The following ZFAT variants were observed in gnomAD, a reference collection of about 807,000 sequenced individuals.
ZFAT encodes zinc finger protein ZFAT.
Under a neutral mutation model 117.7 loss-of-function variants are expected in ZFAT, and 64 were observed. That is an observed-to-expected ratio of 0.54 (90% CI 0.44 to 0.67). The LOEUF is 0.67. Ranked by LOEUF, ZFAT falls within the 30% of genes least tolerant of loss-of-function variation. The probability of loss-of-function intolerance (pLI) is 0.00; values close to 1 mark genes in which losing one functional copy is unlikely to be tolerated. For synonymous variants in ZFAT, 679 were observed against 615.0 expected, an observed-to-expected ratio of 1.10 and a Z score of -1.54; for missense variants, 1,433 against 1,584.5, an observed-to-expected ratio of 0.90 and a Z score of 1.62.
At chr8:134,763,573 A>C in the ZFAT span, among the ~76,000 whole-genome samples, 1 of 152,104 alleles carries the variant, frequency 6.6e-6, no homozygotes, top group South Asian at 2.1e-4. Context: ...TTACACATTT[A>C]TTTATTCAGC....
At chr8:134,711,436 T>G (rs748673967) in intron 1 of ZFAT, among the ~76,000 whole-genome samples, 2 of 152,158 alleles carry the variant, frequency 1.3e-5, no homozygotes. Context: ...CCGGTGCTCA[T>G]TTTAGGCTAA....
At chr8:134,496,806 C>T (rs928802357) in intron 15 of ZFAT, among the ~76,000 whole-genome samples, 11 of 152,268 alleles carry the variant, frequency 7.2e-5, no homozygotes, top group South Asian at 2.1e-4. Context: ...TACTCCTCCC[C>T]GTGGCCCCAT....
intron 13 of ZFAT, 51 bp from the exon 14 acceptor site, chr8:134,512,652 C>T (rs2130391720): frequency 1.9e-6 from 3 of 1,580,378 alleles, no homozygotes; most frequent in Non-Finnish European, 2.6e-6. Flanking sequence ...TGACTGTTGC[C>T]CAGAAGTTCC....
intron 2 of ZFAT, among the ~76,000 whole-genome samples, chr8:134,646,185 G>A (rs1485754629): frequency 6.6e-6 from 1 of 152,118 alleles, no homozygotes; most frequent in African/African-American, 2.4e-5. Context: ...CTCCAGCCTG[G>A]GCGAAAGAGC....
chr8:134,724,546 G>A, the ZFAT span, among the ~76,000 whole-genome samples: 43,238 of 151,870 alleles, frequency 0.28, 6,492 homozygotes, highest in East Asian at 0.38. Flanking sequence ...GAAAGATTTC[G>A]TTAGTATAAT....
chr8:134,648,483 C>A (rs1449555377), intron 2 of ZFAT, among the ~76,000 whole-genome samples: 1 of 151,898 alleles, frequency 6.6e-6, no homozygotes, highest in African/African-American at 2.4e-5. Flanking sequence ...GAGAACATTA[C>A]CATTTAATCT....
chr8:134,615,807 A>G (rs2130995387), intron 3 of ZFAT, among the ~76,000 whole-genome samples: 1 of 152,368 alleles, frequency 6.6e-6, no homozygotes, highest in Admixed American at 6.5e-5. Flanking sequence ...AAGCTTCAAC[A>G]CTAAACTTTC....
chr8:134,578,417 A>AAG lies in ZFAT; in HGVS notation c.2887+5414_2887+5415insCT, dbSNP rs1234061407. Among the ~76,000 whole-genome samples, 988 of 151,408 alleles carry AAG rather than the reference A, an allele frequency of 6.5e-3. 21 individuals carry two copies. The highest frequency in any genetic ancestry group is 0.023 in the African/African-American group (931 of 41,152). On this transcript the variant is annotated intron_variant, in intron 10 of 15. Transcript: ENST00000377838. ...CAAGAGCGAAACTCTGTCTCAAAAA[A>AAG]AAAAAAAAAAAAAAGGAATGAATAC...
upstream of ZFAT, among the ~76,000 whole-genome samples, chr8:134,714,046 T>C (rs548337611): frequency 3.3e-5 from 5 of 151,524 alleles, no homozygotes; most frequent in East Asian, 9.8e-4. Context: ...AGTTTTTAAA[T>C]TGTTCGTTTA....
chr8:134,596,181 C>T (rs895645441), intron 7 of ZFAT, among the ~76,000 whole-genome samples: 52 of 152,322 alleles, frequency 3.4e-4, no homozygotes, highest in African/African-American at 1.2e-3. Flanking sequence ...ACCACATGGA[C>T]ATCCATAAGG....
intron 11 of ZFAT, among the ~76,000 whole-genome samples, chr8:134,551,058 A>G (rs1054448838): frequency 3.3e-5 from 5 of 152,218 alleles, no homozygotes; most frequent in East Asian, 1.9e-4. Flanking sequence ...TTTTGATTGA[A>G]GATTTTGCTC....
At chr8:134,514,695 A>T (rs1171890609) in intron 13 of ZFAT, among the ~76,000 whole-genome samples, 1 of 152,236 alleles carries the variant, frequency 6.6e-6, no homozygotes. Flanking sequence ...CAAAACTCTT[A>T]CTTTTTAAAA....
the ZFAT span, among the ~76,000 whole-genome samples, chr8:134,788,130 T>G: frequency 6.6e-6 from 1 of 152,194 alleles, no homozygotes; most frequent in African/African-American, 2.4e-5. Flanking sequence ...AACCAACATT[T>G]TGGCTTTCTC....
chr8:134,638,991 C>T (rs562406986), intron 2 of ZFAT, among the ~76,000 whole-genome samples: 7 of 152,210 alleles, frequency 4.6e-5, no homozygotes, highest in Non-Finnish European at 8.8e-5. Flanking sequence ...ATCTTGGGTA[C>T]ACGTGCATCT....
At chr8:134,734,495 G>A in the ZFAT span, among the ~76,000 whole-genome samples, 1 of 152,220 alleles carries the variant, frequency 6.6e-6, no homozygotes, top group South Asian at 2.1e-4. Context: ...TAGTCATAGT[G>A]TGCCTGACAC....
intron 1 of ZFAT, among the ~76,000 whole-genome samples, chr8:134,658,134 G>A (rs898270361): frequency 3.3e-5 from 5 of 152,106 alleles, no homozygotes; most frequent in Admixed American, 1.3e-4. Flanking sequence ...TCAGGAGATC[G>A]AGACCATCCT....
intron 7 of ZFAT, among the ~76,000 whole-genome samples, chr8:134,591,125 C>T (rs1177339875): frequency 6.6e-6 from 1 of 152,166 alleles, no homozygotes; most frequent in East Asian, 1.9e-4. Flanking sequence ...ATATTACATC[C>T]GCCAGCACTC....
At position 134,658,293 on chromosome 8, in the gene ZFAT, C is replaced by T. The variant is rs368324895; in HGVS notation, c.20-556G>A. On this transcript the variant is annotated intron_variant, in intron 1 of 15. Coordinates refer to ENST00000377838, the MANE Select transcript of ZFAT (RefSeq NM_020863.4). ...TGAAGCTTGCAGTGAGCCGAGATCA[C>T]GCCACTGCACTCCAGCCTGGGCGAC... Among the ~76,000 whole-genome samples the T allele has an allele frequency of 7.0e-4, 103 of 147,250 alleles. 1 individual carries two copies. The highest frequency in any genetic ancestry group is 2.4e-3 in the African/African-American group (96 of 39,814).
intron 11 of ZFAT, among the ~76,000 whole-genome samples, chr8:134,553,313 G>T (rs1188758407): frequency 6.6e-5 from 10 of 152,202 alleles, no homozygotes; most frequent in Admixed American, 6.5e-4. Context: ...GACCAGCCTG[G>T]CCAAGATGGT....
Sources: gnomAD v4.1 joint callset for allele counts (sites outside exome capture counted in the v4.1 genomes callset) on GRCh38, gnomAD v4.1.1 for gene constraint, MANE v1.5 for transcripts, NCBI Gene and HGNC (gene_info 2026-07-23, HGNC 2026-07-21) for gene names.